Variants in STARD9 observed in about 807,000 individuals in gnomAD.
The protein encoded by STARD9 is stAR-related lipid transfer protein 9.
In STARD9, 346 loss-of-function variants were observed where a neutral mutation model predicts 399.8. The ratio of observed to expected loss-of-function variants is 0.87; its 90% CI spans 0.79 to 0.95. The LOEUF is 0.95. Ranked by LOEUF, STARD9 falls within the 40% of genes least tolerant of loss-of-function variation. The pLI, the probability that STARD9 is intolerant of heterozygous loss-of-function variation, is 0.00. For missense variants in STARD9, 5,832 were observed against 5,667.5 expected (o/e 1.03, Z -0.93); for synonymous variants, 2,203 against 2,143.5 (o/e 1.03, Z -0.77).
chr15:42,612,759 G>A (rs757582498), intron 3 of STARD9, among the ~76,000 whole-genome samples: 1 of 152,096 alleles, frequency 6.6e-6, no homozygotes, highest in Non-Finnish European at 1.5e-5. Flanking sequence ...CGAGGTGGGC[G>A]GATCACCTGA....
At chr15:42,628,548 G>A (rs2059270432) in intron 3 of STARD9, among the ~76,000 whole-genome samples, 1 of 152,254 alleles carries the variant, frequency 6.6e-6, no homozygotes, top group South Asian at 2.1e-4. Flanking sequence ...ATGTTTAGTA[G>A]TTTCATAGTT....
At chr15:42,644,279 G>C (rs532268489) in intron 7 of STARD9, among the ~76,000 whole-genome samples, 5 of 152,232 alleles carry the variant, frequency 3.3e-5, no homozygotes, top group African/African-American at 1.2e-4. Flanking sequence ...AGATCACAAG[G>C]TCAGGAGATA....
intron 4 of STARD9, among the ~76,000 whole-genome samples, chr15:42,635,802 C>T (rs2059408044): frequency 6.6e-6 from 1 of 152,156 alleles, no homozygotes; most frequent in African/African-American, 2.4e-5. Flanking sequence ...CATGCTAGAG[C>T]TGTGCAGAGA....
intron 3 of STARD9, among the ~76,000 whole-genome samples, chr15:42,613,067 T>C (rs1179171098): frequency 6.6e-6 from 1 of 152,162 alleles, no homozygotes; most frequent in African/African-American, 2.4e-5. Flanking sequence ...AGCTAACTTT[T>C]TCTGGTTCCC....
chr15:42,699,392 C>CTTTTTTTTTTTTTTTTTT lies in STARD9; in HGVS notation c.13284+3515_13284+3532dup. On this transcript the variant is annotated intron_variant, in intron 26 of 32. Transcript: ENST00000290607. ...TCTATGAGATCAACTTTTTTCTTTT[C>CTTTTTTTTTTTTTTTTTT]TTTTTTTTTTTTTTTTTTTTGAGAT... Among the ~76,000 whole-genome samples the CTTTTTTTTTTTTTTTTTT allele has an allele frequency of 6.5e-4, 74 of 113,290 alleles. 7 individuals carry two copies. The highest frequency in any genetic ancestry group is 2.1e-3 in the African/African-American group (51 of 24,550). 74.3% of individuals were successfully genotyped at this position (113,290 alleles called of 152,430 possible). A position where few individuals can be genotyped will look rare whatever the true frequency, so the allele number is the denominator to read the frequency against.
intron 22 of STARD9, among the ~76,000 whole-genome samples, chr15:42,683,521 A>G (rs568454031): frequency 2.0e-5 from 3 of 152,298 alleles, no homozygotes; most frequent in Non-Finnish European, 4.4e-5. Context: ...AATTAAGATT[A>G]TTTGATGTAT....
chr15:42,680,881 TCA>T (rs149735996), intron 20 of STARD9, among the ~76,000 whole-genome samples: 2 of 151,944 alleles, frequency 1.3e-5, no homozygotes, highest in African/African-American at 2.4e-5. Flanking sequence ...CTCCTTTGGG[TCA>T]CACACACACA....
At chr15:42,577,052 T>C (rs2058070821) in intron 1 of STARD9, among the ~76,000 whole-genome samples, 1 of 152,236 alleles carries the variant, frequency 6.6e-6, no homozygotes, top group Admixed American at 6.5e-5. Flanking sequence ...TGGTATATTC[T>C]GTATTTGTGA....
intron 3 of STARD9, among the ~76,000 whole-genome samples, chr15:42,599,446 C>T (rs1423211838): frequency 6.6e-6 from 1 of 152,186 alleles, no homozygotes; most frequent in Non-Finnish European, 1.5e-5. Flanking sequence ...ATATTGGCTC[C>T]TCTTCCTAGT....
chr15:42,699,392 C>CTTTTCT (rs1359323091), intron 26 of STARD9, among the ~76,000 whole-genome samples: 95 of 113,294 alleles, frequency 8.4e-4, no homozygotes, highest in African/African-American at 3.7e-3. Flanking sequence ...TTTTTCTTTT[C>CTTTTCT]TTTTTTTTTT....
rs148804314 is a variant in STARD9, at chr15:42,588,973, C to A, written c.234+3336C>A. 1.2e-3 allele frequency among the ~76,000 whole-genome samples: 181 copies of A among 151,664 alleles called. 1 individual carries two copies. The highest frequency in any genetic ancestry group is 4.1e-3 in the African/African-American group (171 of 41,256). On this transcript the variant is annotated intron_variant, in intron 3 of 32. Coordinates refer to ENST00000290607, the MANE Select transcript of STARD9 (RefSeq NM_020759.3). ...GGGACTACAAGCGTGTGCCACCATG[C>A]TCAACTGATTTTTGTATTTTTAGTA...
intron 26 of STARD9, among the ~76,000 whole-genome samples, chr15:42,709,729 T>C (rs971428817): frequency 5.3e-5 from 8 of 152,300 alleles, no homozygotes; most frequent in South Asian, 2.1e-4. Context: ...TGGAAAATCC[T>C]GTTTTTCCTC....
At chr15:42,626,873 G>A (rs1027529634) in intron 3 of STARD9, among the ~76,000 whole-genome samples, 3 of 150,442 alleles carry the variant, frequency 2.0e-5, no homozygotes, top group East Asian at 2.0e-4. Context: ...TCAAGACAGC[G>A]TCTCTCTCTG....
chr15:42,584,417 A>T (rs1283191834), intron 2 of STARD9, among the ~76,000 whole-genome samples: 2 of 152,048 alleles, frequency 1.3e-5, no homozygotes, highest in African/African-American at 2.4e-5. Flanking sequence ...TAAGATTCTC[A>T]TGTTTTTGGT....
At chr15:42,671,005 A>G (rs917718335) in intron 16 of STARD9, 1 of 152,152 alleles carries the variant, frequency 6.6e-6, no homozygotes, top group Non-Finnish European at 1.5e-5. Flanking sequence ...GAGTGAATAG[A>G]TGAAGCTAGA....
chr15:42,636,222 G>A (rs1371025618), intron 4 of STARD9, among the ~76,000 whole-genome samples: 1 of 152,124 alleles, frequency 6.6e-6, no homozygotes, highest in Non-Finnish European at 1.5e-5. Flanking sequence ...CTTCAGCCTG[G>A]GAGGTTGAGG....
intron 4 of STARD9, among the ~76,000 whole-genome samples, chr15:42,636,874 TG>T (rs1395752499): frequency 6.6e-6 from 1 of 152,030 alleles, no homozygotes; most frequent in Non-Finnish European, 1.5e-5. Context: ...AAGACCAGCC[TG>T]GCCAACGTGG....
intron 3 of STARD9, among the ~76,000 whole-genome samples, chr15:42,625,742 T>C (rs1365871530): frequency 4.6e-5 from 7 of 151,462 alleles, no homozygotes; most frequent in Non-Finnish European, 8.8e-5. Context: ...CAGTTTGTAA[T>C]AGACATGCAT....
At chr15:42,608,347 A>G (rs532627158) in intron 3 of STARD9, among the ~76,000 whole-genome samples, 14 of 152,146 alleles carry the variant, frequency 9.2e-5, no homozygotes, top group South Asian at 4.1e-4. Context: ...ATGAACACAT[A>G]ACTAATCTCT....
Sources: gnomAD v4.1 joint callset for allele counts (sites outside exome capture counted in the v4.1 genomes callset) on GRCh38, gnomAD v4.1.1 for gene constraint, MANE v1.5 for transcripts, NCBI Gene and HGNC (gene_info 2026-07-23, HGNC 2026-07-21) for gene names.